MGA: variants seen among roughly 807,000 people sequenced by gnomAD.
MGA encodes MAX dimerization protein MGA, also known as MAX gene-associated protein.
Under a neutral mutation model 261.1 loss-of-function variants are expected in MGA, and 40 were observed. The ratio of observed to expected loss-of-function variants is 0.15; its 90% CI spans 0.12 to 0.20. The LOEUF is 0.20. Among genes scored for constraint, MGA ranks in the 10% least tolerant of loss-of-function variants. The pLI is 1.00. For missense variants in MGA, 3,397 were observed against 3,630.5 expected (o/e 0.94, Z 1.65); for synonymous variants, 1,302 against 1,290.6 (o/e 1.01, Z -0.19).
intron 9 of MGA, among the ~76,000 whole-genome samples, chr15:41,717,415 A>G (rs932923302): frequency 6.6e-6 from 1 of 152,254 alleles, no homozygotes; most frequent in African/African-American, 2.4e-5. Flanking sequence ...AGGAATAAAG[A>G]GAACATACTA....
chr15:41,636,541 A>C (rs573611662), intron 1 of MGA, among the ~76,000 whole-genome samples: 2 of 149,014 alleles, frequency 1.3e-5, no homozygotes, highest in African/African-American at 5.0e-5. Context: ...GCTCACTGCA[A>C]CCTCCACCTC....
intron 3 of MGA, among the ~76,000 whole-genome samples, chr15:41,698,006 C>G (rs1178218900): frequency 6.6e-6 from 1 of 151,752 alleles, no homozygotes; most frequent in African/African-American, 2.4e-5. Flanking sequence ...GTAGCTGGGA[C>G]TACAGGTGCT....
rs915058846 is a variant in MGA at position 41,707,623 on chromosome 15, G to T, written c.2189-105G>T. ...CTCTTCACTATCTCCTTTCTCTCTC[G>T]ACCTTACCCCCCCGCCATCTCCCAG... On this transcript the variant is annotated intron_variant, in intron 5 of 23. Coordinates refer to ENST00000219905, the MANE Select transcript of MGA (RefSeq NM_001164273.2). The T allele has an allele frequency of 9.3e-6, 10 of 1,080,548 alleles. No homozygotes were observed. The Admixed American group carries it at 1.2e-4, about 13-fold the overall frequency. 66.9% of individuals were successfully genotyped at this position (1,080,548 alleles called of 1,614,324 possible).
rs781167413 is a variant in MGA at position 41,749,434 on chromosome 15, A to G, written c.5827A>G (p.Ser1943Gly). ...CAGTCTTATTCCTCTCCAGTCTGGT[A>G]GTTTTGCCTTGTTACAGCTCCCAGG... is the stretch of plus-strand genomic sequence containing the variant. Residue 1943 changes from serine to glycine, a missense_variant, in exon 17 of 24, where the codon AGT becomes GGT. Transcript: ENST00000219905. 19 of 1,613,912 alleles carry G rather than the reference A, an allele frequency of 1.2e-5. No homozygotes were observed. Among genetic ancestry groups the G allele is most frequent in the Middle Eastern group, 1.6e-4 (1 of 6,084 alleles).
intron 1 of MGA, among the ~76,000 whole-genome samples, chr15:41,624,773 A>G (rs2056405142): frequency 6.6e-6 from 1 of 152,222 alleles, no homozygotes; most frequent in Non-Finnish European, 1.5e-5. Flanking sequence ...CCTGGCCCAA[A>G]TTAAATATTA....
At chr15:41,678,941 TAGACATTTTCAAATTGG>T (rs2058526587) in intron 2 of MGA, among the ~76,000 whole-genome samples, 1 of 152,240 alleles carries the variant, frequency 6.6e-6, no homozygotes, top group Non-Finnish European at 1.5e-5. Flanking sequence ...TTTTGATTAC[TAGACATTTTCAAATTGG>T]GCAGTGTGAG....
At chr15:41,720,484 G>A (rs1194146716) in intron 9 of MGA, among the ~76,000 whole-genome samples, 7 of 152,160 alleles carry the variant, frequency 4.6e-5, no homozygotes, top group African/African-American at 1.4e-4. Context: ...GCAGTGAGCC[G>A]TGATAGTGCC....
intron 19 of MGA, 172 bp from the exon 20 acceptor site, chr15:41,760,151 G>C: frequency 1.6e-6 from 1 of 614,066 alleles, no homozygotes; most frequent in Non-Finnish European, 2.9e-6. Context: ...GGCATTGTAA[G>C]AGTTAGATTT....
intron 1 of MGA, among the ~76,000 whole-genome samples, chr15:41,626,108 C>T (rs1402510208): frequency 6.6e-6 from 1 of 151,986 alleles, no homozygotes; most frequent in Non-Finnish European, 1.5e-5. Flanking sequence ...GTATAGGGTT[C>T]AATACTTTCC....
At chr15:41,745,305 A>T (rs2062390423) in intron 15 of MGA, among the ~76,000 whole-genome samples, 1 of 149,826 alleles carries the variant, frequency 6.7e-6, no homozygotes, top group South Asian at 2.1e-4. Context: ...AAAAAAAAAA[A>T]AAGAGACAGC....
chr15:41,667,619 A>G (rs10438300), intron 1 of MGA, among the ~76,000 whole-genome samples: 94 of 152,208 alleles, frequency 6.2e-4, no homozygotes, highest in African/African-American at 2.2e-3. Context: ...ACTTCAAGCA[A>G]TCCTCCTGCC....
chr15:41,762,397 A>G (rs745834093), intron 22 of MGA, 35 bp downstream of exon 22: 10 of 1,539,566 alleles, frequency 6.5e-6, no homozygotes, highest in African/African-American at 1.4e-5. Context: ...CTTAATGTAG[A>G]TATACATCAG....
chr15:41,709,051 A>G (rs1322352208), intron 7 of MGA, among the ~76,000 whole-genome samples: 1 of 152,074 alleles, frequency 6.6e-6, no homozygotes, highest in Non-Finnish European at 1.5e-5. Flanking sequence ...TTTCTTAAAA[A>G]CTAAATTTTG....
intron 2 of MGA, among the ~76,000 whole-genome samples, chr15:41,679,665 A>G (rs2058566084): frequency 6.6e-6 from 1 of 151,888 alleles, no homozygotes; most frequent in Non-Finnish European, 1.5e-5. Context: ...TTGAGTTTGT[A>G]TCCTTCAACT....
chr15:41,686,166 C>T (rs1174832819), intron 2 of MGA, among the ~76,000 whole-genome samples: 3 of 152,006 alleles, frequency 2.0e-5, no homozygotes, highest in Non-Finnish European at 2.9e-5. Context: ...ATCTTTATGC[C>T]TGTTCTCTCT....
At chr15:41,661,789 C>T (rs1195814071) in intron 1 of MGA, among the ~76,000 whole-genome samples, 1 of 152,090 alleles carries the variant, frequency 6.6e-6, no homozygotes, top group Non-Finnish European at 1.5e-5. Flanking sequence ...AGGGAAAGTG[C>T]CTGGGGGCGG....
chr15:41,676,914 C>T (rs2058416034), intron 2 of MGA, among the ~76,000 whole-genome samples: 1 of 152,172 alleles, frequency 6.6e-6, no homozygotes, highest in African/African-American at 2.4e-5. Context: ...TAACATCTAC[C>T]TGGTTTCCCA....
chr15:41,628,198 C>T (rs995141842), intron 1 of MGA, among the ~76,000 whole-genome samples: 1 of 151,884 alleles, frequency 6.6e-6, no homozygotes, highest in African/African-American at 2.4e-5. Flanking sequence ...TGGTGAAACC[C>T]TGTCTCTACT....
Position 41,697,040 on chromosome 15 carries a change from C to G in MGA, c.2013+17C>G, listed in dbSNP as rs1009596709. 1 of 1,495,658 alleles carries G rather than the reference C, an allele frequency of 6.7e-7. No individual in the cohort carries two copies. The highest frequency in any genetic ancestry group is 1.4e-5 in the African/African-American group (1 of 70,734). The allele number at this position is 1,495,658 out of a possible 1,614,324, so 92.6% of individuals were successfully genotyped here. ...GAATCAAAGGTAAGATTGTAATTTTCAGGATTCTTTAAGGCTAATTAGTCA... is the reference window on the plus strand; with the variant it reads ...GAATCAAAGGTAAGATTGTAATTTTGAGGATTCTTTAAGGCTAATTAGTCA... On this transcript the variant is annotated intron_variant, in intron 3 of 23. Transcript: ENST00000219905.
Sources: gnomAD v4.1 joint callset for allele counts (sites outside exome capture counted in the v4.1 genomes callset) on GRCh38, gnomAD v4.1.1 for gene constraint, MANE v1.5 for transcripts, NCBI Gene and HGNC (gene_info 2026-07-23, HGNC 2026-07-21) for gene names.